KCNAB1: variants seen among roughly 807,000 people sequenced by gnomAD.
KCNAB1 encodes voltage-gated potassium channel subunit beta-1.
KCNAB1 carries 35 observed loss-of-function variants against 64.6 expected under a neutral mutation model. That is an observed-to-expected ratio of 0.54 (90% CI 0.41 to 0.72). KCNAB1 has a LOEUF of 0.72. KCNAB1 is among the 30% of genes least tolerant of loss of function. The probability of loss-of-function intolerance (pLI) is 0.00; values close to 1 mark genes in which losing one functional copy is unlikely to be tolerated. For missense variants in KCNAB1, 401 were observed against 512.9 expected, an observed-to-expected ratio of 0.78 and a Z score of 2.11; for synonymous variants, 177 against 183.8, an observed-to-expected ratio of 0.96 and a Z score of 0.30.
At chr3:156,390,348 GA>G (rs1040640935) in intron 1 of KCNAB1, among the ~76,000 whole-genome samples, 31 of 150,172 alleles carry the variant, frequency 2.1e-4, no homozygotes, top group African/African-American at 5.1e-4. Context: ...CCTTGACTTA[GA>G]AAAAAAAACC....
chr3:156,140,211 T>C (rs1714626832), intron 1 of KCNAB1, among the ~76,000 whole-genome samples: 1 of 152,254 alleles, frequency 6.6e-6, no homozygotes, highest in Admixed American at 6.5e-5. Flanking sequence ...TTCATTTTTA[T>C]TGCATTTTTT....
chr3:156,200,384 G>A (rs991159322), intron 1 of KCNAB1, among the ~76,000 whole-genome samples: 23 of 152,206 alleles, frequency 1.5e-4, no homozygotes, highest in African/African-American at 5.3e-4. Context: ...TTCAGAACTG[G>A]CAGGCAAGAA....
intron 1 of KCNAB1, among the ~76,000 whole-genome samples, chr3:156,281,050 A>G (rs955090661): frequency 1.3e-5 from 2 of 151,674 alleles, no homozygotes; most frequent in African/African-American, 4.9e-5. Context: ...GCCAGTTTTC[A>G]AAGGGAATGC....
At chr3:156,342,585 CTTTTTTTTT>C (rs60982892) in intron 1 of KCNAB1, among the ~76,000 whole-genome samples, 1 of 86,254 alleles carries the variant, frequency 1.2e-5, no homozygotes, top group African/African-American at 3.7e-5. Flanking sequence ...CTATGTGTTT[CTTTTTTTTT>C]TTTTTTTTTT....
intron 1 of KCNAB1, among the ~76,000 whole-genome samples, chr3:156,272,651 A>G (rs1278048799): frequency 1.3e-5 from 2 of 151,816 alleles, no homozygotes; most frequent in Non-Finnish European, 2.9e-5. Flanking sequence ...GCTTTCCAGG[A>G]GCCAAGGCCT....
At chr3:156,534,600 T>G (rs1411780518) in intron 13 of KCNAB1, among the ~76,000 whole-genome samples, 1 of 152,204 alleles carries the variant, frequency 6.6e-6, no homozygotes, top group South Asian at 2.1e-4. Context: ...GCTTCGGCGA[T>G]AACAGTGGCC....
chr3:156,163,423 C>A (rs749960724), intron 1 of KCNAB1, among the ~76,000 whole-genome samples: 7 of 152,110 alleles, frequency 4.6e-5, no homozygotes, highest in Admixed American at 1.3e-4. Context: ...ATAGTGGGAC[C>A]TCTGGTTGTT....
At chr3:156,206,161 C>G (rs547077005) in intron 1 of KCNAB1, among the ~76,000 whole-genome samples, 156 of 152,318 alleles carry the variant, frequency 1.0e-3, no homozygotes, top group African/African-American at 3.4e-3. Context: ...CATTCATTCC[C>G]TCTTTCTTTG....
At chr3:156,272,233 T>C (rs1719078907) in intron 1 of KCNAB1, among the ~76,000 whole-genome samples, 1 of 152,240 alleles carries the variant, frequency 6.6e-6, no homozygotes, top group African/African-American at 2.4e-5. Context: ...GTCAAGGGCC[T>C]CAGGCTGTAC....
chr3:156,212,507 A>C (rs983561951), intron 1 of KCNAB1, among the ~76,000 whole-genome samples: 3 of 152,266 alleles, frequency 2.0e-5, no homozygotes, highest in Non-Finnish European at 4.4e-5. Flanking sequence ...GAGCAGAAAC[A>C]GATTGGTTGG....
chr3:156,413,588 A>C (rs560228142), intron 1 of KCNAB1, among the ~76,000 whole-genome samples: 21 of 152,344 alleles, frequency 1.4e-4, no homozygotes, highest in African/African-American at 4.8e-4. Context: ...CTTTGCTGAT[A>C]GTAAGTGATA....
intron 1 of KCNAB1, among the ~76,000 whole-genome samples, chr3:156,145,414 T>C (rs535627775): frequency 6.6e-6 from 1 of 152,278 alleles, no homozygotes; most frequent in South Asian, 2.1e-4. Flanking sequence ...GACATTCTCC[T>C]GCAACCATTT....
chr3:156,240,956 C>G (rs1048579492), intron 1 of KCNAB1, among the ~76,000 whole-genome samples: 3 of 151,206 alleles, frequency 2.0e-5, no homozygotes, highest in African/African-American at 7.3e-5. Flanking sequence ...ACTCTGGGAA[C>G]TGGTGTAAAA....
intron 2 of KCNAB1, among the ~76,000 whole-genome samples, chr3:156,437,995 CAG>C (rs1341247168): frequency 6.6e-6 from 1 of 152,184 alleles, no homozygotes; most frequent in East Asian, 1.9e-4. Flanking sequence ...ATTACAGTCA[CAG>C]GGGGAGCTTT....
intron 1 of KCNAB1, among the ~76,000 whole-genome samples, chr3:156,307,918 G>A (rs931353229): frequency 6.6e-6 from 1 of 152,188 alleles, no homozygotes; most frequent in African/African-American, 2.4e-5. Context: ...CCCTAAGCAG[G>A]CACTGTGCCA....
chr3:156,118,941 G>C (rs533515735), upstream of KCNAB1, among the ~76,000 whole-genome samples: 5 of 152,342 alleles, frequency 3.3e-5, no homozygotes, highest in East Asian at 9.6e-4. Flanking sequence ...TCGCCTGCTG[G>C]TGCTAAAAGT....
intron 1 of KCNAB1, among the ~76,000 whole-genome samples, chr3:156,229,600 T>C (rs1057026890): frequency 1.3e-5 from 2 of 152,118 alleles, no homozygotes; most frequent in African/African-American, 4.8e-5. Flanking sequence ...AGTAAGATGA[T>C]ATAGAGTCAT....
intron 8 of KCNAB1, among the ~76,000 whole-genome samples, chr3:156,485,408 T>A (rs1442741360): frequency 6.6e-6 from 1 of 152,100 alleles, no homozygotes; most frequent in Non-Finnish European, 1.5e-5. Flanking sequence ...TCATAAATAT[T>A]TTCTCCAGTA....
At chr3:156,165,373 T>G (rs1468284375) in intron 1 of KCNAB1, among the ~76,000 whole-genome samples, 1 of 151,786 alleles carries the variant, frequency 6.6e-6, no homozygotes, top group Non-Finnish European at 1.5e-5. Context: ...AGTGGTGAGT[T>G]TGCTGCTAAC....
Sources: gnomAD v4.1 joint callset for allele counts (sites outside exome capture counted in the v4.1 genomes callset) on GRCh38, gnomAD v4.1.1 for gene constraint, MANE v1.5 for transcripts, NCBI Gene and HGNC (gene_info 2026-07-23, HGNC 2026-07-21) for gene names.